The following OSBPL10 variants were observed in gnomAD, a reference collection of about 807,000 sequenced individuals.
The protein encoded by OSBPL10 is oxysterol-binding protein-related protein 10.
OSBPL10 carries 49 observed loss-of-function variants against 81.7 expected under a neutral mutation model. That is an observed-to-expected ratio of 0.60 (90% CI 0.48 to 0.76). The LOEUF (loss-of-function observed/expected upper bound fraction) is 0.76. Among genes scored for constraint, OSBPL10 ranks in the 30% least tolerant of loss-of-function variants. The pLI, the probability that OSBPL10 is intolerant of heterozygous loss-of-function variation, is 0.00. For synonymous variants in OSBPL10, 419 were observed against 383.6 expected (o/e 1.09, Z -1.08); for missense variants, 923 against 987.8 (o/e 0.93, Z 0.88).
At chr3:32,056,093 T>A (rs1699709561) in intron 1 of OSBPL10, among the ~76,000 whole-genome samples, 1 of 152,216 alleles carries the variant, frequency 6.6e-6, no homozygotes, top group South Asian at 2.1e-4. Context: ...TGTAAACAAA[T>A]CAGTCCTATC....
chr3:31,809,869 C>CTTTTTTTTTTTTTTTTTTTTTTTT lies in OSBPL10; in HGVS notation c.729+20170_729+20171insAAAAAAAAAAAAAAAAAAAAAAAA, dbSNP rs34795137. On this transcript the variant is annotated intron_variant, in intron 4 of 11. Transcript: ENST00000396556. ...AAATGTCAATGGGTGCCCCCTGACTCTTTTTTTTTTTTTTTTTTTGAGATG... is the reference window on the plus strand; with the variant it reads ...AAATGTCAATGGGTGCCCCCTGACTCTTTTTTTTTTTTTTTTTTTTTTTTTTTTTTTTTTTTTTTTTTTGAGATG... 5.1e-4 allele frequency among the ~76,000 whole-genome samples: 50 copies of CTTTTTTTTTTTTTTTTTTTTTTTT among 98,614 alleles called. 4 individuals are homozygous for CTTTTTTTTTTTTTTTTTTTTTTTT. The highest frequency in any genetic ancestry group is 2.5e-3 in the African/African-American group (46 of 18,420). The allele number at this position is 98,614 out of a possible 152,430, so 64.7% of individuals were successfully genotyped here.
chr3:31,968,809 G>A (rs1357505550), intron 1 of OSBPL10, among the ~76,000 whole-genome samples: 1 of 152,164 alleles, frequency 6.6e-6, no homozygotes, highest in African/African-American at 2.4e-5. Context: ...GATGTACTTT[G>A]GGCCAAGGTA....
At chr3:31,715,683 T>A (rs1423599141) in intron 6 of OSBPL10, among the ~76,000 whole-genome samples, 3 of 152,186 alleles carry the variant, frequency 2.0e-5, no homozygotes, top group Non-Finnish European at 4.4e-5. Flanking sequence ...AATGATTCTG[T>A]GCCTAAAAAC....
chr3:31,684,672 A>G (rs987140416), intron 7 of OSBPL10, among the ~76,000 whole-genome samples: 2 of 152,186 alleles, frequency 1.3e-5, no homozygotes, highest in Admixed American at 6.5e-5. Context: ...ACCATGACTG[A>G]GGAAGGGTAG....
At chr3:31,853,643 T>C (rs1222884034) in intron 3 of OSBPL10, among the ~76,000 whole-genome samples, 3 of 152,194 alleles carry the variant, frequency 2.0e-5, no homozygotes, top group Non-Finnish European at 4.4e-5. Flanking sequence ...TCCCCAGGCA[T>C]CTTCATTTTC....
chr3:31,977,589 G>A (rs1276558349), intron 1 of OSBPL10, among the ~76,000 whole-genome samples: 1 of 152,162 alleles, frequency 6.6e-6, no homozygotes, highest in Non-Finnish European at 1.5e-5. Context: ...GGTAATAAGA[G>A]AGTACTCTAA....
intron 3 of OSBPL10, among the ~76,000 whole-genome samples, chr3:31,868,395 C>T (rs916485637): frequency 6.6e-6 from 1 of 152,072 alleles, no homozygotes; most frequent in Non-Finnish European, 1.5e-5. Flanking sequence ...ACCAAAAAGG[C>T]AATCCCCGAG....
chr3:31,924,846 G>A (rs1697025547), intron 1 of OSBPL10, among the ~76,000 whole-genome samples: 1 of 152,112 alleles, frequency 6.6e-6, no homozygotes, highest in African/African-American at 2.4e-5. Flanking sequence ...ACAAGCAGCA[G>A]ACTAGAGGCT....
intron 5 of OSBPL10, among the ~76,000 whole-genome samples, chr3:31,738,131 G>C (rs529603055): frequency 6.6e-6 from 1 of 152,014 alleles, no homozygotes; most frequent in Non-Finnish European, 1.5e-5. Flanking sequence ...CATGTCCTGG[G>C]CTGAACAGAG....
At chr3:31,803,656 C>T (rs1699450748) in intron 4 of OSBPL10, among the ~76,000 whole-genome samples, 2 of 152,176 alleles carry the variant, frequency 1.3e-5, no homozygotes, top group Admixed American at 1.3e-4. Flanking sequence ...ACCTTGTTTT[C>T]AGTTTTCCCA....
intron 3 of OSBPL10, among the ~76,000 whole-genome samples, chr3:31,859,476 G>A (rs1358866806): frequency 1.3e-5 from 2 of 152,218 alleles, no homozygotes; most frequent in Admixed American, 6.5e-5. Flanking sequence ...TTTACAATGT[G>A]TACATGGCCT....
chr3:31,833,705 GCACACACACACACACA>G (rs10591808), intron 3 of OSBPL10, among the ~76,000 whole-genome samples: 1 of 137,962 alleles, frequency 7.2e-6, no homozygotes, highest in Non-Finnish European at 1.5e-5. Flanking sequence ...ACACGCACAC[GCACACACACACACACA>G]CACACACACA....
chr3:31,846,219 C>T (rs1257366956), intron 3 of OSBPL10, among the ~76,000 whole-genome samples: 1 of 152,170 alleles, frequency 6.6e-6, no homozygotes, highest in Non-Finnish European at 1.5e-5. Flanking sequence ...CACTATATTG[C>T]CCAGGTTGGT....
chr3:31,715,193 TA>T (rs1696395092), intron 6 of OSBPL10, among the ~76,000 whole-genome samples: 1 of 152,162 alleles, frequency 6.6e-6, no homozygotes, highest in Admixed American at 6.5e-5. Flanking sequence ...TTTAGCTATT[TA>T]AAATAATTAA....
intron 1 of OSBPL10, among the ~76,000 whole-genome samples, chr3:31,911,787 G>A (rs574128431): frequency 7.9e-5 from 12 of 152,208 alleles, no homozygotes; most frequent in African/African-American, 2.9e-4. Flanking sequence ...CCTCAAGCAG[G>A]GAACATGCAA....
chr3:31,754,258 G>A (rs1697819186), intron 4 of OSBPL10, among the ~76,000 whole-genome samples: 1 of 152,114 alleles, frequency 6.6e-6, no homozygotes, highest in Non-Finnish European at 1.5e-5. Flanking sequence ...GTCCCAAACA[G>A]TTCGTGACTG....
Position 31,780,290 on chromosome 3 carries a change from C to CA in OSBPL10, c.730-32171dup, listed in dbSNP as rs200635067. ...CCTGGGTGACAGAGCAAGACTCCGT[C>CA]AAAAAAAAAGAACAATAATAGTAAC... On this transcript the variant is annotated intron_variant, in intron 4 of 11. Coordinates refer to ENST00000396556, the MANE Select transcript of OSBPL10 (RefSeq NM_017784.5). Among the ~76,000 whole-genome samples, 497 of 149,434 alleles carry CA rather than the reference C, an allele frequency of 3.3e-3. 1 individual carries two copies. The highest frequency in any genetic ancestry group is 9.4e-3 in the African/African-American group (384 of 40,774).
At chr3:31,970,538 G>A (rs977957754) in intron 1 of OSBPL10, among the ~76,000 whole-genome samples, 2 of 152,190 alleles carry the variant, frequency 1.3e-5, no homozygotes, top group African/African-American at 2.4e-5. Context: ...TTGCAAGGAG[G>A]GGGAGGGATG....
At chr3:31,989,091 G>C in intron 2 of OSBPL10, 1 of 1,614,052 alleles carries the variant, frequency 6.2e-7, no homozygotes. Flanking sequence ...TGTTACGTGA[G>C]GAAGCAGCTC....
Sources: allele counts gnomAD v4.1 joint callset (sites outside exome capture counted in the v4.1 genomes callset), GRCh38; gene constraint gnomAD v4.1.1; transcripts MANE v1.5; gene names NCBI Gene and HGNC (gene_info 2026-07-23, HGNC 2026-07-21).